The following EFNA5 variants were observed in gnomAD, a reference collection of about 807,000 sequenced individuals.
The protein encoded by EFNA5 is ephrin-A5.
EFNA5 carries 5 observed loss-of-function variants against 22.9 expected under a neutral mutation model. That is an observed-to-expected ratio of 0.22 (90% CI 0.11 to 0.46). The LOEUF (loss-of-function observed/expected upper bound fraction) is 0.46, where lower values mean the gene tolerates loss of function less well. Among genes scored for constraint, EFNA5 ranks in the 20% least tolerant of loss-of-function variants. EFNA5 has a pLI of 0.99. For missense variants in EFNA5, 237 were observed against 293.3 expected (o/e 0.81, Z 1.40); for synonymous variants, 113 against 112.2 (o/e 1.01, Z -0.04).
At chr5:107,471,009 C>T (rs918679909) in intron 1 of EFNA5, among the ~76,000 whole-genome samples, 19 of 152,140 alleles carry the variant, frequency 1.2e-4, no homozygotes, top group African/African-American at 2.2e-4. Context: ...ATTTTAATAC[C>T]GCAGGCTCAT....
At chr5:107,568,535 A>G (rs1356947661) in intron 1 of EFNA5, among the ~76,000 whole-genome samples, 1 of 152,194 alleles carries the variant, frequency 6.6e-6, no homozygotes, top group Non-Finnish European at 1.5e-5. Flanking sequence ...TCAGGAAAGA[A>G]ACTGACAGCT....
intron 1 of EFNA5, among the ~76,000 whole-genome samples, chr5:107,553,725 GATA>G (rs1379872558): frequency 6.6e-6 from 1 of 152,124 alleles, no homozygotes; most frequent in Non-Finnish European, 1.5e-5. Flanking sequence ...TCACTAAATA[GATA>G]ATAGTGATGA....
chr5:107,393,588 G>T (rs1394873653), intron 2 of EFNA5, among the ~76,000 whole-genome samples: 1 of 152,128 alleles, frequency 6.6e-6, no homozygotes. Flanking sequence ...GTGTGTGGGG[G>T]AGCGTTAAAA....
Position 107,378,633 on chromosome 5 carries a change from T to C in EFNA5, c.*2622A>G, listed in dbSNP as rs1747343413. Reference sequence around the variant, plus strand: ...CACTTACAGGTAGAGAAGCTTACTGTCTACTGGTGTGGACACTCTTGCTAT... The same window carrying C: ...CACTTACAGGTAGAGAAGCTTACTGCCTACTGGTGTGGACACTCTTGCTAT... On this transcript the variant is annotated 3_prime_UTR_variant, in exon 5 of 5. Transcript: ENST00000333274. The C allele has an allele frequency of 6.6e-6, 1 of 152,182 alleles. No individual in the cohort carries two copies. The highest frequency in any genetic ancestry group is 2.4e-5 in the African/African-American group (1 of 41,436). The allele number at this position is 152,182 out of a possible 1,614,324, so 9.4% of individuals were successfully genotyped here. A position where few individuals can be genotyped will look rare whatever the true frequency, so the allele number is the denominator to read the frequency against.
chr5:107,649,441 TC>T (rs1196848342), intron 1 of EFNA5, among the ~76,000 whole-genome samples: 1 of 152,192 alleles, frequency 6.6e-6, no homozygotes, highest in African/African-American at 2.4e-5. Flanking sequence ...CATAGGCTAA[TC>T]GTCAAATGAC....
intron 1 of EFNA5, among the ~76,000 whole-genome samples, chr5:107,652,301 G>C (rs1750749954): frequency 6.6e-6 from 1 of 152,132 alleles, no homozygotes; most frequent in Non-Finnish European, 1.5e-5. Flanking sequence ...ATATTCTTCA[G>C]CTACTTGCCC....
At chr5:107,659,103 C>A (rs1750888281) in intron 1 of EFNA5, among the ~76,000 whole-genome samples, 1 of 152,142 alleles carries the variant, frequency 6.6e-6, no homozygotes, top group South Asian at 2.1e-4. Context: ...GTTATCTTAT[C>A]CCTGAATCCA....
intron 1 of EFNA5, among the ~76,000 whole-genome samples, chr5:107,525,991 T>C (rs1747689553): frequency 6.6e-6 from 1 of 152,204 alleles, no homozygotes. Context: ...ATTTATACTG[T>C]ACTATAGAAG....
chr5:107,628,587 T>C (rs1401201278), intron 1 of EFNA5, among the ~76,000 whole-genome samples: 4 of 152,180 alleles, frequency 2.6e-5, no homozygotes, highest in African/African-American at 9.7e-5. Context: ...AGCTAATCTA[T>C]ACATTATTGA....
chr5:107,430,897 C>T (rs1286504169), intron 1 of EFNA5, among the ~76,000 whole-genome samples: 1 of 151,466 alleles, frequency 6.6e-6, no homozygotes, highest in Admixed American at 6.6e-5. Flanking sequence ...CTGCCTCAGC[C>T]TCCCAAGTAG....
At chr5:107,512,468 T>C (rs1747392443) in intron 1 of EFNA5, among the ~76,000 whole-genome samples, 1 of 151,972 alleles carries the variant, frequency 6.6e-6, no homozygotes, top group Non-Finnish European at 1.5e-5. Flanking sequence ...TTTTACCTTC[T>C]AGGAGGTTTA....
At chr5:107,514,570 C>T (rs931844050) in intron 1 of EFNA5, among the ~76,000 whole-genome samples, 2 of 152,126 alleles carry the variant, frequency 1.3e-5, no homozygotes, top group African/African-American at 2.4e-5. Context: ...CATACAAGGG[C>T]AGATTTATTT....
At chr5:107,624,285 C>T (rs886510516) in intron 1 of EFNA5, among the ~76,000 whole-genome samples, 2 of 152,138 alleles carry the variant, frequency 1.3e-5, no homozygotes, top group African/African-American at 4.8e-5. Context: ...ATCCTTCACA[C>T]ATTTTCTTTA....
intron 1 of EFNA5, among the ~76,000 whole-genome samples, chr5:107,498,821 G>A (rs1747056888): frequency 6.6e-6 from 1 of 152,146 alleles, no homozygotes; most frequent in African/African-American, 2.4e-5. Context: ...AAGGAGGTAG[G>A]TTTGATGCCA....
intron 1 of EFNA5, among the ~76,000 whole-genome samples, chr5:107,475,134 C>T (rs1750247608): frequency 6.6e-6 from 1 of 152,172 alleles, no homozygotes; most frequent in South Asian, 2.1e-4. Context: ...TAACACGCTC[C>T]CTGTTGAACA....
chr5:107,590,441 G>A (rs1046814514), intron 1 of EFNA5, among the ~76,000 whole-genome samples: 1 of 151,594 alleles, frequency 6.6e-6, no homozygotes, highest in African/African-American at 2.4e-5. Flanking sequence ...CCAGGCTGGA[G>A]TGCCGTGGAA....
At chr5:107,473,015 A>G (rs1334648215) in intron 1 of EFNA5, among the ~76,000 whole-genome samples, 1 of 151,380 alleles carries the variant, frequency 6.6e-6, no homozygotes, top group Admixed American at 6.6e-5. Context: ...ACCTGCTTGA[A>G]CTCTTCATTC....
Position 107,387,768 on chromosome 5 carries a change from G to A in EFNA5, c.422C>T (p.Ser141Phe), listed in dbSNP as rs1263853816. 6.2e-7 allele frequency: 1 copy of A among 1,611,068 alleles called. No homozygotes were observed. The highest frequency in any genetic ancestry group is 8.5e-7 in the Non-Finnish European group (1 of 1,177,740). Residue 141 changes from serine to phenylalanine, a missense_variant, in exon 3 of 5, where the codon TCT becomes TTT. Coordinates refer to ENST00000333274, the MANE Select transcript of EFNA5 (RefSeq NM_001962.3). ...RPGREYFYIS[S>F]AIPDNGRRSC... ...CCTTCTTCCATTATCTGGGATTGCA[G>A]AGGCTGTGGGTAACACAGAGAGAGA...
At chr5:107,631,549 C>T (rs564106884) in intron 1 of EFNA5, among the ~76,000 whole-genome samples, 2 of 152,004 alleles carry the variant, frequency 1.3e-5, no homozygotes, top group Non-Finnish European at 2.9e-5. Flanking sequence ...ACAAGAACAA[C>T]TCTTCCCATA....
Sources: allele counts gnomAD v4.1 joint callset (sites outside exome capture counted in the v4.1 genomes callset), GRCh38; gene constraint gnomAD v4.1.1; transcripts MANE v1.5; gene names NCBI Gene and HGNC (gene_info 2026-07-23, HGNC 2026-07-21).